SLC5A5: variants seen among roughly 807,000 people sequenced by gnomAD.
The protein encoded by SLC5A5 is sodium/iodide cotransporter.
Under a neutral mutation model 68.6 loss-of-function variants are expected in SLC5A5, and 56 were observed. The observed-to-expected ratio is 0.82, with a 90% CI of 0.66 to 1.02. The LOEUF is 1.02. Ranked by LOEUF, SLC5A5 falls within the 50% of genes least tolerant of loss-of-function variation. The pLI is 0.00. For missense variants in SLC5A5, 807 were observed against 859.8 expected (o/e 0.94, Z 0.77); for synonymous variants, 398 against 373.0 (o/e 1.07, Z -0.77).
At chr19:17,884,158 C>T (rs2094328161) in intron 12 of SLC5A5, 112 bp downstream of exon 12, 4 of 1,000,796 alleles carry the variant, frequency 4.0e-6, no homozygotes, top group Non-Finnish European at 6.0e-6. Context: ...AAATGCATTC[C>T]TGGGGGAGGG....
chr19:17,889,621 C>A (rs558771925), intron 13 of SLC5A5, among the ~76,000 whole-genome samples: 1 of 152,046 alleles, frequency 6.6e-6, no homozygotes, highest in African/African-American at 2.4e-5. Flanking sequence ...TACAGGTGCG[C>A]GCCAACGTGC....
intron 8 of SLC5A5, 39 bp downstream of exon 8, chr19:17,880,992 C>A: frequency 2.0e-6 from 3 of 1,470,998 alleles, no homozygotes; most frequent in East Asian, 2.3e-5. Context: ...TTATTTCAGC[C>A]CCTGGGAGCC....
chr19:17,888,513 G>C, intron 13 of SLC5A5, 58 bp downstream of exon 13: 2 of 1,601,556 alleles, frequency 1.2e-6, no homozygotes, highest in Non-Finnish European at 1.7e-6. Context: ...CTGCCTCAAG[G>C]CTCCACCCAG....
rs770478912 is a variant in SLC5A5 at position 17,882,010 on chromosome 19, T to C, written c.1109T>C (p.Leu370Pro). The C allele has an allele frequency of 6.2e-7, 1 of 1,614,164 alleles. No individual in the cohort carries two copies. The change falls in exon 9 of 15, where the codon CTC becomes CCC. Residue 370 changes from leucine (L) to proline (P), a missense_variant. Transcript: ENST00000222248. ...ATGGCTGCAGTCACTGTAGAAGACC[T>C]CATCAAACCTCGGCTGCGGAGCCTG... is the stretch of plus-strand genomic sequence containing the variant. Reference protein sequence around the residue: ...NAMAAVTVEDLIKPRLRSLAP... With the variant: ...NAMAAVTVEDPIKPRLRSLAP...
At chr19:17,884,969 C>CTTGGG (rs2094329980) in intron 12 of SLC5A5, among the ~76,000 whole-genome samples, 1 of 149,024 alleles carries the variant, frequency 6.7e-6, no homozygotes, top group South Asian at 2.1e-4. Context: ...GCTGGGATTA[C>CTTGGG]AGGTGTGAGC....
Position 17,883,284 on chromosome 19 carries a change from C to T in SLC5A5, c.1243-397C>T, listed in dbSNP as rs1343147722. On this transcript the variant is annotated intron_variant, in intron 10 of 14. Transcript: ENST00000222248. ...AGGCCATCAGGGGACTTTTTTGCAG[C>T]TGGCTGGCTTGGGGTGGGGGAATTG... is the stretch of plus-strand genomic sequence containing the variant. 2.8e-5 allele frequency among the ~76,000 whole-genome samples: 4 copies of T among 142,730 alleles called. No individual in the cohort carries two copies. In the East Asian group the frequency reaches 5.8e-4, roughly 21 times the overall value. 93.6% of individuals were successfully genotyped at this position (142,730 alleles called of 152,430 possible). A position where few individuals can be genotyped will look rare whatever the true frequency, so the allele number is the denominator to read the frequency against.
chr19:17,880,815 C>CGG, intron 7 of SLC5A5, 50 bp from the exon 8 acceptor site: 1 of 1,391,478 alleles, frequency 7.2e-7, no homozygotes, highest in Non-Finnish European at 1.0e-6. Context: ...ATAGATGCCC[C>CGG]GGTCCTCGGG....
At chr19:17,893,609 C>T in intron 14 of SLC5A5, 104 bp from the exon 15 acceptor site, 1 of 1,164,862 alleles carries the variant, frequency 8.6e-7, no homozygotes, top group Non-Finnish European at 1.3e-6. Flanking sequence ...CTGTGCACGC[C>T]CCGTCCCGCC....
rs924686368 is a variant in SLC5A5, at chr19:17,884,011, T to C, written c.1491T>C (p.Ala497=). The part of the protein sequence containing the change: ...SVNASGLLDP[A]LLPANDSSRA... ...ACGCCTCTGGCCTCCTGGACCCGGC[T>C]CTCCTCCCTGCTAACGACTCCAGCA... Residue 497 remains alanine, a synonymous_variant, in exon 12 of 15, where the codon GCT becomes GCC. Coordinates refer to ENST00000222248, the MANE Select transcript of SLC5A5 (RefSeq NM_000453.3). 3.2e-6 allele frequency: 5 copies of C among 1,573,090 alleles called. No homozygotes were observed. In the African/African-American group the frequency reaches 5.4e-5, roughly 17 times the overall value.
In SLC5A5 at chr19:17,874,749, C is replaced by T; in HGVS notation, c.543+18C>T. ...CGGCTGTGGTGAGTGGCCCTGGGAA[C>T]TCACTCCATACGGGGGATCGGGCCC... On this transcript the variant is annotated intron_variant, in intron 4 of 14. Transcript: ENST00000222248. 1 of 1,613,016 alleles carries T rather than the reference C, an allele frequency of 6.2e-7. No individual in the cohort carries two copies. Among genetic ancestry groups the T allele is most frequent in the Non-Finnish European group, 8.5e-7 (1 of 1,179,002 alleles).
At chr19:17,891,522 G>T (rs1346512665) in intron 14 of SLC5A5, among the ~76,000 whole-genome samples, 1 of 151,742 alleles carries the variant, frequency 6.6e-6, no homozygotes, top group Non-Finnish European at 1.5e-5. Flanking sequence ...TCAAGTTTTT[G>T]TTATCTCCCT....
rs886054294 is a variant in SLC5A5 at position 17,894,299 on chromosome 19, C to T, written c.*422C>T. ...AGTAGCTGGGATTGTAGGTGCCCAC[C>T]ACCATGCCCAGCCAACTTTTTGTAT... is the stretch of plus-strand genomic sequence containing the variant. On this transcript the variant is annotated 3_prime_UTR_variant, in exon 15 of 15. Transcript: ENST00000222248. 1 of 187,874 alleles carries T rather than the reference C, an allele frequency of 5.3e-6. No individual in the cohort carries two copies. Among genetic ancestry groups the T allele is most frequent in the Non-Finnish European group, 1.1e-5 (1 of 89,042 alleles). The allele number at this position is 187,874 out of a possible 1,614,324, so 11.6% of individuals were successfully genotyped here. A position where few individuals can be genotyped will look rare whatever the true frequency, so the allele number is the denominator to read the frequency against.
At chr19:17,893,692 C>T (rs2030288710) in intron 14 of SLC5A5, 21 bp from the exon 15 acceptor site, 4 of 1,612,386 alleles carry the variant, frequency 2.5e-6, no homozygotes, top group Non-Finnish European at 2.5e-6. Context: ...GATGGGGTCT[C>T]TTTTTCCCAC....
intron 12 of SLC5A5, 28 bp from the exon 13 acceptor site, chr19:17,888,303 G>T (rs1459016633): frequency 6.2e-7 from 1 of 1,612,900 alleles, no homozygotes; most frequent in Non-Finnish European, 8.5e-7. Context: ...AAAAGAGGAG[G>T]TTCAAGTCTG....
In SLC5A5 at chr19:17,882,161, G is replaced by A; in HGVS notation, c.1184G>A (p.Gly395Glu). 1.2e-6 allele frequency: 2 copies of A among 1,614,130 alleles called. No homozygotes were observed. Among genetic ancestry groups the A allele is most frequent in the Non-Finnish European group, 1.7e-6 (2 of 1,180,020 alleles). The change falls in exon 10 of 15, where the codon GGA (glycine) becomes GAA (glutamate). Residue 395 changes from glycine (G) to glutamate (E), a missense_variant. Gly to Glu is a moderately conservative substitution (Grantham distance 98). Transcript: ENST00000222248. Reference sequence around the variant, plus strand: ...TCATCCACTACAGCACTCATCTACGGATCGGCCTGTCTCACCGTGGCAGCC... The same window carrying A: ...TCATCCACTACAGCACTCATCTACGAATCGGCCTGTCTCACCGTGGCAGCC... ...IISKGLSLIY[G>E]SACLTVAALS... is the part of the protein sequence containing the mutation.
At chr19:17,879,922 C>T (rs1358967293) in intron 7 of SLC5A5, among the ~76,000 whole-genome samples, 1 of 151,610 alleles carries the variant, frequency 6.6e-6, no homozygotes, top group African/African-American at 2.4e-5. Context: ...TTTTTTGAGC[C>T]AGAGTCTCAC....
At position 17,887,399 on chromosome 19, in the gene SLC5A5, A is replaced by T. The variant is rs562363804; in HGVS notation, c.1527-932A>T. Among the ~76,000 whole-genome samples, 17 of 151,750 alleles carry T rather than the reference A, an allele frequency of 1.1e-4. No homozygotes were observed. In the East Asian group the frequency reaches 3.1e-3, roughly 28 times the overall value. On this transcript the variant is annotated intron_variant, in intron 12 of 14. Transcript: ENST00000222248. ...AACCTCCACCTCCCAGGTTCAAGGG[A>T]TTCTCCCACCTCAGCCTCGTGAGTA...
chr19:17,875,070 G>A (rs956802611), intron 4 of SLC5A5, among the ~76,000 whole-genome samples: 7 of 151,998 alleles, frequency 4.6e-5, no homozygotes, highest in Non-Finnish European at 8.8e-5. Context: ...TCATCGTAGT[G>A]ATAATAATAG....
intron 13 of SLC5A5, among the ~76,000 whole-genome samples, chr19:17,889,356 G>A (rs758814748): frequency 1.8e-4 from 27 of 151,278 alleles, no homozygotes; most frequent in Non-Finnish European, 3.4e-4. Context: ...CCAAGATTGC[G>A]TCACTGCACT....
Sources: gnomAD v4.1 joint callset for allele counts (sites outside exome capture counted in the v4.1 genomes callset) on GRCh38, gnomAD v4.1.1 for gene constraint, MANE v1.5 for transcripts, NCBI Gene and HGNC (gene_info 2026-07-23, HGNC 2026-07-21) for gene names.